Variants in ANO3 observed in about 807,000 individuals in gnomAD.
The protein encoded by ANO3 is anoctamin 3, also known as anoctamin-3.
ANO3 carries 99 observed loss-of-function variants against 144.8 expected under a neutral mutation model. That is an observed-to-expected ratio of 0.68 (90% CI 0.58 to 0.81). The LOEUF is 0.81. Ranked by LOEUF, ANO3 falls within the 30% of genes least tolerant of loss-of-function variation. ANO3 has a pLI of 0.00. For synonymous variants in ANO3, 414 were observed against 392.6 expected, an observed-to-expected ratio of 1.05 and a Z score of -0.64; for missense variants, 905 against 1,202.2, an observed-to-expected ratio of 0.75 and a Z score of 3.66.
At chr11:26,315,686 C>CATCTATCTATCTATCT (rs764949318) in intron 1 of ANO3, among the ~76,000 whole-genome samples, 11 of 108,336 alleles carry the variant, frequency 1.0e-4, no homozygotes, top group African/African-American at 2.9e-4. Context: ...TCTATCTATC[C>CATCTATCTATCTATCT]ATCTATCTAT....
chr11:26,407,066 G>GTATATATATA (rs1293298817), intron 1 of ANO3, among the ~76,000 whole-genome samples: 68 of 57,230 alleles, frequency 1.2e-3, no homozygotes, highest in Middle Eastern at 0.015. Flanking sequence ...GTGTGTGTGT[G>GTATATATATA]TGTGTGTGTG....
chr11:26,303,832 G>T (rs1854294385), intron 1 of ANO3, among the ~76,000 whole-genome samples: 1 of 152,076 alleles, frequency 6.6e-6, no homozygotes, highest in African/African-American at 2.4e-5. Flanking sequence ...TGATTCTCCT[G>T]CCTCAGCCTC....
intron 13 of ANO3, chr11:26,559,494 G>C (rs1453278462): frequency 4.1e-6 from 2 of 488,492 alleles, no homozygotes; most frequent in Non-Finnish European, 7.3e-6. Context: ...AGGGAATCAA[G>C]AGAGGAGAGA....
At chr11:26,552,639 A>G (rs1261708722) in intron 12 of ANO3, among the ~76,000 whole-genome samples, 1 of 152,082 alleles carries the variant, frequency 6.6e-6, no homozygotes, top group African/African-American at 2.4e-5. Flanking sequence ...TGGACATAAA[A>G]CTGAAGAGAT....
intron 14 of ANO3, among the ~76,000 whole-genome samples, chr11:26,597,067 C>G (rs968093435): frequency 6.6e-6 from 1 of 152,260 alleles, no homozygotes; most frequent in Non-Finnish European, 1.5e-5. Context: ...TCCTCCAATT[C>G]TAAGGAAGGA....
chr11:26,630,976 C>CT (rs376791578), intron 18 of ANO3, among the ~76,000 whole-genome samples: 97,708 of 147,944 alleles, frequency 0.66, 32,569 homozygotes, highest in Non-Finnish European at 0.74. Context: ...TTTACATTTT[C>CT]TTTTTTTTTT....
intron 1 of ANO3, among the ~76,000 whole-genome samples, chr11:26,398,321 G>C (rs575926967): frequency 7.2e-5 from 11 of 152,136 alleles, no homozygotes; most frequent in African/African-American, 2.6e-4. Flanking sequence ...TAATCAAGGA[G>C]AATGAGTTCT....
chr11:26,437,736 T>C (rs1220895380), intron 1 of ANO3, among the ~76,000 whole-genome samples: 1 of 152,218 alleles, frequency 6.6e-6, no homozygotes, highest in Non-Finnish European at 1.5e-5. Flanking sequence ...CCCATGTTTA[T>C]GTTCATGTAT....
intron 6 of ANO3, among the ~76,000 whole-genome samples, chr11:26,524,155 A>G (rs781003656): frequency 1.3e-5 from 2 of 152,238 alleles, no homozygotes; most frequent in Non-Finnish European, 2.9e-5. Context: ...GTGCAAGACA[A>G]TATATGTACC....
At chr11:26,600,802 A>G (rs904771050) in intron 17 of ANO3, among the ~76,000 whole-genome samples, 2 of 151,736 alleles carry the variant, frequency 1.3e-5, no homozygotes, top group African/African-American at 4.8e-5. Flanking sequence ...GACTCTCTCT[A>G]TGACCATGTT....
chr11:26,275,210 C>G (rs1853530777), intron 1 of ANO3, among the ~76,000 whole-genome samples: 1 of 151,984 alleles, frequency 6.6e-6, no homozygotes, highest in Non-Finnish European at 1.5e-5. Flanking sequence ...CTTAAGCTGA[C>G]ATATTTAGAT....
At chr11:26,265,039 A>G (rs947139892) in intron 1 of ANO3, among the ~76,000 whole-genome samples, 1 of 152,112 alleles carries the variant, frequency 6.6e-6, no homozygotes, top group Non-Finnish European at 1.5e-5. Context: ...ATCAAGAATA[A>G]AAAAGATGAA....
At chr11:26,295,666 G>C (rs896863032) in intron 1 of ANO3, among the ~76,000 whole-genome samples, 7 of 151,962 alleles carry the variant, frequency 4.6e-5, no homozygotes, top group African/African-American at 1.7e-4. Flanking sequence ...TTCTAGAAAA[G>C]TTCAGATGTG....
chr11:26,652,842 A>G (rs1177754297), intron 24 of ANO3, among the ~76,000 whole-genome samples: 5 of 152,208 alleles, frequency 3.3e-5, no homozygotes, highest in Non-Finnish European at 4.4e-5. Flanking sequence ...TGACTTTCAC[A>G]TTGTCAAACC....
intron 1 of ANO3, among the ~76,000 whole-genome samples, chr11:26,382,638 A>G (rs1373955890): frequency 6.6e-6 from 1 of 152,140 alleles, no homozygotes; most frequent in Non-Finnish European, 1.5e-5. Flanking sequence ...CACAAATTAC[A>G]TATTCTTTCA....
At position 26,390,801 on chromosome 11, in the gene ANO3, G is replaced by T. The variant is rs116245269; in HGVS notation, c.47-51117G>T. Among the ~76,000 whole-genome samples the T allele has an allele frequency of 9.0e-3, 1,375 of 152,140 alleles. 14 individuals carry two copies. Among genetic ancestry groups the T allele is most frequent in the African/African-American group, 0.031 (1,270 of 41,524 alleles). ...AAGACTTGTGGGAAGTACAATAAAGGCAACATTATTTTTGTATGTGACATG... is the reference window on the plus strand; with the variant it reads ...AAGACTTGTGGGAAGTACAATAAAGTCAACATTATTTTTGTATGTGACATG... On this transcript the variant is annotated intron_variant, in intron 1 of 26. Coordinates refer to ENST00000256737, the MANE Select transcript of ANO3 (RefSeq NM_031418.4).
At chr11:26,300,647 T>C (rs1196845136) in intron 1 of ANO3, among the ~76,000 whole-genome samples, 1 of 152,154 alleles carries the variant, frequency 6.6e-6, no homozygotes, top group African/African-American at 2.4e-5. Flanking sequence ...GAAGTTTCCC[T>C]TATAGATATG....
chr11:26,291,048 C>G (rs1853944879), intron 1 of ANO3, among the ~76,000 whole-genome samples: 1 of 152,122 alleles, frequency 6.6e-6, no homozygotes, highest in Non-Finnish European at 1.5e-5. Flanking sequence ...GAGGCTGAGT[C>G]TCTTTGTAGG....
In ANO3 at chr11:26,439,872, AT is replaced by A. The variant is rs1452356998; in HGVS notation, c.47-2041del. 2.0e-5 allele frequency among the ~76,000 whole-genome samples: 3 copies of A among 152,336 alleles called. No homozygotes were observed. The South Asian group carries it at 6.2e-4, about 32-fold the overall frequency. On this transcript the variant is annotated intron_variant, in intron 1 of 26. Transcript: ENST00000256737. ...AAGAATCAGAGTAAAACAAATTTTAATTTTTAATTTTATTTACTTCTATAAT... is the reference window on the plus strand; with the variant it reads ...AAGAATCAGAGTAAAACAAATTTTAATTTTAATTTTATTTACTTCTATAAT...
Sources: gnomAD v4.1 joint callset for allele counts (sites outside exome capture counted in the v4.1 genomes callset) on GRCh38, gnomAD v4.1.1 for gene constraint, MANE v1.5 for transcripts, NCBI Gene and HGNC (gene_info 2026-07-23, HGNC 2026-07-21) for gene names.